Variants in TAFA1 observed in about 807,000 individuals in gnomAD.
The protein encoded by TAFA1 is TAFA chemokine like family member 1.
In TAFA1, 4 loss-of-function variants were observed where a neutral mutation model predicts 18.5. The ratio of observed to expected loss-of-function variants is 0.22; its 90% CI spans 0.11 to 0.49. TAFA1 has a LOEUF of 0.49. TAFA1 is among the 20% of genes least tolerant of loss of function. The pLI, the probability that TAFA1 is intolerant of heterozygous loss-of-function variation, is 0.98. For synonymous variants in TAFA1, 56 were observed against 55.2 expected, an observed-to-expected ratio of 1.01 and a Z score of -0.06; for missense variants, 147 against 169.0, an observed-to-expected ratio of 0.87 and a Z score of 0.72.
At chr3:68,275,473 A>G (rs540204696) in intron 2 of TAFA1, among the ~76,000 whole-genome samples, 65 of 151,640 alleles carry the variant, frequency 4.3e-4, no homozygotes, top group African/African-American at 1.5e-3. Context: ...CAGACTTCAG[A>G]TCATCCAAGG....
chr3:68,049,888 C>T (rs4130989), intron 2 of TAFA1, among the ~76,000 whole-genome samples: 77,179 of 151,832 alleles, frequency 0.51, 20,022 homozygotes, highest in South Asian at 0.64. Flanking sequence ...CATGATTATG[C>T]GTTTATCCTG....
chr3:68,471,747 C>G (rs2072000532), intron 3 of TAFA1, among the ~76,000 whole-genome samples: 1 of 152,102 alleles, frequency 6.6e-6, no homozygotes. Flanking sequence ...TTTGGTGACA[C>G]CCTCACAGAC....
chr3:68,485,012 C>T (rs190187946), intron 3 of TAFA1, among the ~76,000 whole-genome samples: 18 of 152,184 alleles, frequency 1.2e-4, no homozygotes, highest in Admixed American at 2.0e-4. Flanking sequence ...AACACATGCT[C>T]TTGCAAAGAT....
intron 2 of TAFA1, among the ~76,000 whole-genome samples, chr3:68,194,749 T>TA (rs1033373798): frequency 6.6e-5 from 10 of 151,846 alleles, no homozygotes; most frequent in African/African-American, 2.2e-4. Context: ...TAGGACAAAA[T>TA]ACTTCAAAGT....
rs369039107 is a variant in TAFA1, at chr3:68,092,102, C to T, written c.118+85358C>T. On this transcript the variant is annotated intron_variant, in intron 2 of 4. Transcript: ENST00000478136. ...TCTGTAATAAGCCCTCTCTAATACC[C>T]AACTCACCTCAGTCCCAATGGCATC... 7.2e-5 allele frequency among the ~76,000 whole-genome samples: 11 copies of T among 152,158 alleles called. 1 individual carries two copies. The South Asian group carries it at 8.3e-4, about 11-fold the overall frequency.
Position 68,369,669 on chromosome 3 carries a change from T to G in TAFA1, c.119-47611T>G, listed in dbSNP as rs77000906. On this transcript the variant is annotated intron_variant, in intron 2 of 4. Transcript: ENST00000478136. The stretch of plus-strand genomic sequence containing the variant: ...TGTTCAATTTAAATACTCCATTTCT[T>G]AGGGATTTGCCATCACTCACTCTCA... Among the ~76,000 whole-genome samples, 752 of 152,304 alleles carry G rather than the reference T, an allele frequency of 4.9e-3. 6 individuals carry two copies. The highest frequency in any genetic ancestry group is 0.017 in the African/African-American group (711 of 41,580).
chr3:68,462,771 G>T (rs2071808943), intron 3 of TAFA1, among the ~76,000 whole-genome samples: 1 of 152,078 alleles, frequency 6.6e-6, no homozygotes, highest in South Asian at 2.1e-4. Context: ...TCCTTTGATA[G>T]TAACCAGGCT....
intron 2 of TAFA1, among the ~76,000 whole-genome samples, chr3:68,374,167 T>C (rs2069765200): frequency 6.6e-6 from 1 of 152,182 alleles, no homozygotes; most frequent in African/African-American, 2.4e-5. Context: ...ACTCCAGTGA[T>C]TAAATGCTGC....
chr3:68,237,419 A>G (rs971664383), intron 2 of TAFA1, among the ~76,000 whole-genome samples: 11 of 152,186 alleles, frequency 7.2e-5, no homozygotes, highest in African/African-American at 2.7e-4. Context: ...AGGGCTTGGG[A>G]GGACACAAAC....
chr3:68,188,859 T>G (rs2066304125), intron 2 of TAFA1, among the ~76,000 whole-genome samples: 1 of 151,910 alleles, frequency 6.6e-6, no homozygotes, highest in Non-Finnish European at 1.5e-5. Context: ...GTTGTTTTTT[T>G]GTTCGTTTGT....
chr3:68,528,400 C>T (rs2073138257), intron 3 of TAFA1, among the ~76,000 whole-genome samples: 1 of 152,186 alleles, frequency 6.6e-6, no homozygotes, highest in Admixed American at 6.5e-5. Flanking sequence ...TTAGTCAATA[C>T]ATAATGTCTC....
At chr3:68,120,897 A>G (rs2065390914) in intron 2 of TAFA1, among the ~76,000 whole-genome samples, 1 of 152,182 alleles carries the variant, frequency 6.6e-6, no homozygotes, top group Non-Finnish European at 1.5e-5. Flanking sequence ...ACCTTTAGGA[A>G]TGTGATGATT....
At chr3:68,149,275 A>G (rs1406415532) in intron 2 of TAFA1, among the ~76,000 whole-genome samples, 2 of 152,250 alleles carry the variant, frequency 1.3e-5, no homozygotes, top group Non-Finnish European at 2.9e-5. Context: ...AAGTAAATGT[A>G]GAAACTCTGT....
At chr3:68,470,658 A>G (rs2071980643) in intron 3 of TAFA1, among the ~76,000 whole-genome samples, 1 of 152,174 alleles carries the variant, frequency 6.6e-6, no homozygotes, top group African/African-American at 2.4e-5. Flanking sequence ...GAGGGAGTTA[A>G]TTTAGGGCAT....
At chr3:68,397,626 G>A (rs760260708) in intron 2 of TAFA1, among the ~76,000 whole-genome samples, 7 of 152,026 alleles carry the variant, frequency 4.6e-5, no homozygotes, top group African/African-American at 1.2e-4. Flanking sequence ...ATAAACACAC[G>A]TGTGCATATG....
At chr3:68,530,772 A>AAAAAAG (rs1198377835) in intron 3 of TAFA1, among the ~76,000 whole-genome samples, 3 of 152,184 alleles carry the variant, frequency 2.0e-5, no homozygotes, top group Non-Finnish European at 4.4e-5. Flanking sequence ...TCAGATCAAA[A>AAAAAAG]AAAAAGTGTG....
intron 2 of TAFA1, among the ~76,000 whole-genome samples, chr3:68,218,363 A>G (rs1197693378): frequency 6.6e-6 from 1 of 152,128 alleles, no homozygotes; most frequent in African/African-American, 2.4e-5. Flanking sequence ...CTTAATATGT[A>G]GGTTAATTAA....
At chr3:68,065,603 T>A in intron 2 of TAFA1, among the ~76,000 whole-genome samples, 1 of 152,036 alleles carries the variant, frequency 6.6e-6, no homozygotes, top group East Asian at 1.9e-4. Context: ...AGGGAGCCAG[T>A]GAAAGTGCTG....
intron 2 of TAFA1, among the ~76,000 whole-genome samples, chr3:68,150,911 T>C (rs749697814): frequency 6.6e-6 from 1 of 152,114 alleles, no homozygotes; most frequent in Non-Finnish European, 1.5e-5. Context: ...TTATTAAGAG[T>C]GTTGCACAGT....
Sources: allele counts gnomAD v4.1 joint callset (sites outside exome capture counted in the v4.1 genomes callset), GRCh38; gene constraint gnomAD v4.1.1; transcripts MANE v1.5; gene names NCBI Gene and HGNC (gene_info 2026-07-23, HGNC 2026-07-21).